C17orf58: variants seen among roughly 807,000 people sequenced by gnomAD.
C17orf58 encodes the protein UPF0450 protein C17orf58.
A neutral mutation model predicts 7.4 loss-of-function variants in C17orf58; 5 were observed. The ratio of observed to expected loss-of-function variants is 0.67; its 90% CI spans 0.35 to 1.42. The LOEUF is 1.42. C17orf58 is among the 40% of genes most tolerant of loss of function. C17orf58 has a pLI of 0.04. For synonymous variants in C17orf58, 60 were observed against 70.6 expected (o/e 0.85, Z 0.75); for missense variants, 162 against 174.2 (o/e 0.93, Z 0.40).
intron 1 of C17orf58, among the ~76,000 whole-genome samples, chr17:67,994,506 G>GTATATATATA (rs1486317778): frequency 9.2e-4 from 15 of 16,380 alleles, no homozygotes; most frequent in East Asian, 2.5e-3. Flanking sequence ...GTGTGTGTGT[G>GTATATATATA]TGTGTGTGTG....
intron 1 of C17orf58, 28 bp downstream of exon 1, chr17:67,996,095 C>T: frequency 2.5e-6 from 1 of 399,060 alleles, no homozygotes; most frequent in Non-Finnish European, 4.4e-6. Context: ...CGCTCCGCTC[C>T]CAGGGCCCCG....
At chr17:67,994,455 C>G (rs56315139) in intron 1 of C17orf58, among the ~76,000 whole-genome samples, 83,755 of 141,972 alleles carry the variant, frequency 0.59, 26,932 homozygotes, top group Non-Finnish European at 0.72. Context: ...TTTGCCCTTC[C>G]TTTAATATAT....
At chr17:67,992,463 G>A (rs2070842589) in intron 3 of C17orf58, among the ~76,000 whole-genome samples, 2 of 151,000 alleles carry the variant, frequency 1.3e-5, no homozygotes, top group South Asian at 4.2e-4. Context: ...AGCTGCTTGG[G>A]AGGCTGAGGC....
chr17:67,994,427 G>A (rs1224888408), intron 1 of C17orf58, among the ~76,000 whole-genome samples: 2 of 150,114 alleles, frequency 1.3e-5, no homozygotes, highest in African/African-American at 4.9e-5. Context: ...TTACAACACT[G>A]GTTAGATAAC....
intron 3 of C17orf58, 75 bp from the exon 4 acceptor site, chr17:67,992,178 G>A (rs782126773): frequency 7.1e-6 from 9 of 1,261,142 alleles, no homozygotes; most frequent in African/African-American, 3.0e-5. Flanking sequence ...AGGCCTTTAA[G>A]AAACGCCTAA....
In C17orf58 at chr17:67,991,696, A is replaced by C; in HGVS notation, c.*217T>G. The C allele has an allele frequency of 2.6e-6, 1 of 381,866 alleles. No homozygotes were observed. The highest frequency in any genetic ancestry group is 4.7e-6 in the Non-Finnish European group (1 of 212,598). 23.7% of individuals were successfully genotyped at this position (381,866 alleles called of 1,614,324 possible). A position where few individuals can be genotyped will look rare whatever the true frequency, so the allele number is the denominator to read the frequency against. ...AATCATTGTCTGGCACTACAGTTGA[A>C]TCACCTTGACACTGAGCTCAGGAGC... On this transcript the variant is annotated 3_prime_UTR_variant, in exon 4 of 4. Coordinates refer to ENST00000580729, the MANE Select transcript of C17orf58 (RefSeq NM_001382359.1).
At position 67,992,567 on chromosome 17, in the gene C17orf58, C is replaced by CAA. The variant is rs59543001; in HGVS notation, c.830-466_830-465dup. Among the ~76,000 whole-genome samples, 38 of 52,790 alleles carry CAA rather than the reference C, an allele frequency of 7.2e-4. 5 individuals are homozygous for CAA. Among genetic ancestry groups the CAA allele is most frequent in the African/African-American group, 2.9e-3 (37 of 12,912 alleles). The allele number at this position is 52,790 out of a possible 152,430, so 34.6% of individuals were successfully genotyped here. ...TGGGCGACAGGGCAAGACTCAATCT[C>CAA]AAAAAAAAAAAAAAAAAAAAAAAAA... is the stretch of plus-strand genomic sequence containing the variant. On this transcript the variant is annotated intron_variant, in intron 3 of 3. Coordinates refer to ENST00000580729, the MANE Select transcript of C17orf58 (RefSeq NM_001382359.1).
rs2070855150 is a variant in C17orf58 at position 67,993,237 on chromosome 17, T to C, written c.638-2A>G. Reference sequence around the variant, plus strand: ...CATCGTGCACGATCCCGTTCACCGCTGCTTCCGAAAAACAGTTTGGAGAAG... The same window carrying C: ...CATCGTGCACGATCCCGTTCACCGCCGCTTCCGAAAAACAGTTTGGAGAAG... On this transcript the variant is annotated splice_acceptor_variant, in intron 2 of 3. Transcript: ENST00000580729. LOFTEE classifies it high-confidence loss of function. The surrounding 1 kb of genome is among the most constrained non-coding windows in gnomAD (Gnocchi z 5.1). The C allele has an allele frequency of 6.5e-7, 1 of 1,538,322 alleles. No individual in the cohort carries two copies. The highest frequency in any genetic ancestry group is 8.9e-7 in the Non-Finnish European group (1 of 1,128,506).
chr17:67,994,516 G>GTGTGTGTGTGTGTA (rs1244199425), intron 1 of C17orf58, among the ~76,000 whole-genome samples: 15 of 89,538 alleles, frequency 1.7e-4, no homozygotes, highest in African/African-American at 5.6e-4. Context: ...GTGTGTGTGT[G>GTGTGTGTGTGTGTA]TATATATATA....
chr17:67,994,208 G>T (rs2070869822), intron 1 of C17orf58, among the ~76,000 whole-genome samples: 1 of 151,714 alleles, frequency 6.6e-6, no homozygotes, highest in Non-Finnish European at 1.5e-5. Context: ...TAGAGGACAA[G>T]GGAGGCTTCG....
At chr17:67,995,307 C>T (rs1320436925) in intron 1 of C17orf58, among the ~76,000 whole-genome samples, 1 of 152,188 alleles carries the variant, frequency 6.6e-6, no homozygotes, top group Non-Finnish European at 1.5e-5. Flanking sequence ...TATCCAATTC[C>T]TGACTGTCAA....
chr17:67,992,628 G>A (rs575203263), intron 3 of C17orf58, among the ~76,000 whole-genome samples: 64 of 145,938 alleles, frequency 4.4e-4, no homozygotes, highest in Middle Eastern at 3.6e-3. Context: ...ACAGAACAAA[G>A]GTCCTTATCA....
chr17:67,996,336 T>C lies in C17orf58; in HGVS notation c.-138A>G, dbSNP rs2070891284. ...CTTTGGGGAAACGGGAATCACTCGC[T>C]GAGCAGACCATTGGAACAAAACCGA... On this transcript the variant is annotated 5_prime_UTR_variant, in exon 1 of 4. Coordinates refer to ENST00000580729, the MANE Select transcript of C17orf58 (RefSeq NM_001382359.1). 1 of 393,502 alleles carries C rather than the reference T, an allele frequency of 2.5e-6. No individual in the cohort carries two copies. Among genetic ancestry groups the C allele is most frequent in the Non-Finnish European group, 4.5e-6 (1 of 223,476 alleles). 24.4% of individuals were successfully genotyped at this position (393,502 alleles called of 1,614,324 possible). A position where few individuals can be genotyped will look rare whatever the true frequency, so the allele number is the denominator to read the frequency against.
chr17:67,992,003 T>C lies in C17orf58; in HGVS notation c.930A>G (p.Gly310=). 2 of 1,613,222 alleles carry C rather than the reference T, an allele frequency of 1.2e-6. No homozygotes were observed. The highest frequency in any genetic ancestry group is 1.7e-6 in the Non-Finnish European group (2 of 1,179,590). The part of the protein sequence containing the change: ...VLRGRLRPGD[G]LLRSSSSYVK... ...CATAGCTGCTGCTGCTCCTTAGCAG[T>C]CCATCCCCTGGACGGAGGCGGCCTC... The change falls in exon 4 of 4, where the codon GGA becomes GGG. Residue 310 remains glycine, a synonymous_variant. Coordinates refer to ENST00000580729, the MANE Select transcript of C17orf58 (RefSeq NM_001382359.1).
rs1489665267 is a variant in C17orf58 at position 67,996,277 on chromosome 17, A to T, written c.-79T>A. On this transcript the variant is annotated 5_prime_UTR_variant, in exon 1 of 4. Transcript: ENST00000580729. The stretch of plus-strand genomic sequence containing the variant: ...TTCTCTCCCCCAACCCCTTCTCCAC[A>T]CCCCCACCCCCGTTCATGCTAATGA... 1.0e-5 allele frequency: 4 copies of T among 390,928 alleles called. No homozygotes were observed. Among genetic ancestry groups the T allele is most frequent in the Non-Finnish European group, 1.8e-5 (4 of 223,312 alleles). The allele number at this position is 390,928 out of a possible 1,614,324, so 24.2% of individuals were successfully genotyped here.
chr17:67,994,494 G>A, intron 1 of C17orf58, among the ~76,000 whole-genome samples: 1 of 82,830 alleles, frequency 1.2e-5, no homozygotes, highest in South Asian at 4.2e-4. Context: ...GTGCGTGTGC[G>A]TGTGTGTGTG....
At chr17:67,994,683 A>G (rs1339998964) in intron 1 of C17orf58, among the ~76,000 whole-genome samples, 4 of 151,972 alleles carry the variant, frequency 2.6e-5, no homozygotes, top group Admixed American at 2.0e-4. Context: ...TTTCCCATCC[A>G]TGTTTACACT....
At chr17:67,994,863 A>G (rs1417356083) in intron 1 of C17orf58, among the ~76,000 whole-genome samples, 7 of 151,970 alleles carry the variant, frequency 4.6e-5, no homozygotes, top group African/African-American at 1.7e-4. Flanking sequence ...TTTTTTCCCC[A>G]TTAGATGATG....
Position 67,993,937 on chromosome 17 carries a change from C to T in C17orf58, c.124G>A (p.Ala42Thr), listed in dbSNP as rs2070867508. 5.1e-6 allele frequency: 2 copies of T among 395,072 alleles called. No homozygotes were observed. The highest frequency in any genetic ancestry group is 3.6e-5 in the East Asian group (1 of 27,832). The allele number at this position is 395,072 out of a possible 1,614,324, so 24.5% of individuals were successfully genotyped here. Residue 42 changes from alanine (A) to threonine (T), a missense_variant, in exon 2 of 4, where the codon GCG becomes ACG. By Grantham distance (58) the Ala-to-Thr change is moderately conservative (BLOSUM62 0). Around this residue, in one of 3 missense-constraint regions of C17orf58, gnomAD observed 93 missense variants for 90.4 expected, o/e 1.03. Transcript: ENST00000580729. The surrounding 1 kb of genome is among the most constrained non-coding windows in gnomAD (Gnocchi z 5.1). Reference protein sequence around the residue: ...RKPDSRGCPSAEETPGPRAQP... With the variant: ...RKPDSRGCPSTEETPGPRAQP... ...GCGCGGGGCCCCGGTGTCTCCTCCG[C>T]GCTCGGGCAGCCGCGGGAGTCCGGC...
Sources: allele counts gnomAD v4.1 joint callset (sites outside exome capture counted in the v4.1 genomes callset), GRCh38; gene constraint gnomAD v4.1.1; regional missense constraint gnomAD v4.1.1; non-coding constraint Gnocchi (gnomAD v3.1); transcripts MANE v1.5; gene names NCBI Gene and HGNC (gene_info 2026-07-23, HGNC 2026-07-21).